TRIP12: variants seen among roughly 807,000 people sequenced by gnomAD.
TRIP12 encodes the protein E3 ubiquitin-protein ligase TRIP12.
TRIP12 carries 25 observed loss-of-function variants against 244.2 expected under a neutral mutation model. The ratio of observed to expected loss-of-function variants is 0.10; its 90% confidence interval spans 0.07 to 0.14. TRIP12 has a LOEUF of 0.14. Among genes scored for constraint, TRIP12 ranks in the 10% least tolerant of loss-of-function variants. TRIP12 has a pLI of 1.00. For synonymous variants in TRIP12, 905 were observed against 873.1 expected, an observed-to-expected ratio of 1.04 and a Z score of -0.64; for missense variants, 1,677 against 2,486.4, an observed-to-expected ratio of 0.67 and a Z score of 6.92.
intron 13 of TRIP12, among the ~76,000 whole-genome samples, chr2:229,813,656 C>T (rs867498442): frequency 1.3e-4 from 20 of 151,974 alleles, no homozygotes; most frequent in Non-Finnish European, 1.8e-4. Context: ...TGGTGGCACA[C>T]GCCTGTAATC....
At chr2:229,790,052 T>TA (rs1410764710) in intron 30 of TRIP12, among the ~76,000 whole-genome samples, 1 of 152,126 alleles carries the variant, frequency 6.6e-6, no homozygotes, top group African/African-American at 2.4e-5. Flanking sequence ...TGGCAAACAG[T>TA]AAAATGGCTG....
At chr2:229,800,450 T>C (rs1369476095) in intron 21 of TRIP12, among the ~76,000 whole-genome samples, 1 of 152,096 alleles carries the variant, frequency 6.6e-6, no homozygotes, top group Non-Finnish European at 1.5e-5. Flanking sequence ...CAAATAAAAC[T>C]GGAAAAATCT....
chr2:229,818,541 T>C (rs770959090), intron 8 of TRIP12, 29 bp from the exon 9 acceptor site: 3 of 1,590,622 alleles, frequency 1.9e-6, no homozygotes, highest in Non-Finnish European at 2.6e-6. Flanking sequence ...TTATTATCTT[T>C]AAACATTTAA....
At chr2:229,899,060 A>G (rs1292068207) in intron 1 of TRIP12, among the ~76,000 whole-genome samples, 2 of 152,236 alleles carry the variant, frequency 1.3e-5, no homozygotes, top group Admixed American at 6.5e-5. Flanking sequence ...TCCTTATTGA[A>G]GTAAAAGAGA....
chr2:229,778,989 A>C lies in TRIP12; in HGVS notation c.5096T>G (p.Val1699Gly). 1 of 1,612,316 alleles carries C rather than the reference A, an allele frequency of 6.2e-7. No individual in the cohort carries two copies. The change falls in exon 35 of 42, where the codon GTT becomes GGT. Residue 1699 changes from valine (V) to glycine (G), a missense_variant and splice_region_variant. Around this residue, in one of 11 missense-constraint regions of TRIP12, gnomAD observed 5 missense variants for 40.0 expected, o/e 0.13. Transcript: ENST00000675903. This position sits in a 1 kb window ranked among gnomAD's most constrained non-coding sequence, Gnocchi z 4.1. ...CAGTGTAGGCCCAAGACCTGTACCA[A>C]CCTACAGAAGAACACAAGTAGAACG... The part of the protein sequence containing the change: ...AMLEIQYENE[V>G]GTGLGPTLEF...
Position 229,912,589 on chromosome 2 carries a change from T to C in TRIP12, c.-50+9291A>G, listed in dbSNP as rs1439002814. 2.6e-5 allele frequency among the ~76,000 whole-genome samples: 4 copies of C among 152,294 alleles called. No individual in the cohort carries two copies. The East Asian group carries it at 7.7e-4, about 29-fold the overall frequency. On this transcript the variant is annotated intron_variant, in intron 1 of 41. Transcript: ENST00000675903. The stretch of plus-strand genomic sequence containing the variant: ...TTCCTCCAAACAATCAGGGCCAGTT[T>C]AAGCCCCTCTCTCTTCATAGTCTTC...
At chr2:229,913,437 T>C (rs893158021) in intron 1 of TRIP12, among the ~76,000 whole-genome samples, 5 of 152,210 alleles carry the variant, frequency 3.3e-5, no homozygotes, top group African/African-American at 4.8e-5. Flanking sequence ...TCAAGCACAA[T>C]TGTGGCACAC....
At chr2:229,860,912 C>T (rs2060375535) in intron 2 of TRIP12, among the ~76,000 whole-genome samples, 1 of 152,138 alleles carries the variant, frequency 6.6e-6, no homozygotes, top group South Asian at 2.1e-4. Flanking sequence ...CATAATGTGA[C>T]TGTAATGGCT....
At chr2:229,839,530 T>A (rs2055803934) in intron 5 of TRIP12, among the ~76,000 whole-genome samples, 1 of 151,580 alleles carries the variant, frequency 6.6e-6, no homozygotes, top group African/African-American at 2.4e-5. Flanking sequence ...ACAAAAAAAA[T>A]TAGCTGGGCA....
In TRIP12 at chr2:229,859,240, G is replaced by T. The variant is rs781546151; in HGVS notation, c.559C>A (p.Arg187=). The T allele has an allele frequency of 2.5e-6, 4 of 1,614,120 alleles. No homozygotes were observed. Among genetic ancestry groups the T allele is most frequent in the Non-Finnish European group, 3.4e-6 (4 of 1,180,030 alleles). Reference sequence around the variant, plus strand: ...TCTGTCCTTTTTCTTTTCTGACTCCGTGAACCGCCAGTGGCCCCACTCTTC... The same window carrying T: ...TCTGTCCTTTTTCTTTTCTGACTCCTTGAACCGCCAGTGGCCCCACTCTTC... ...TRKSGATGGS[R]SQKRKRTESS... Residue 187 remains arginine, a synonymous_variant, in exon 4 of 42, where the codon CGG becomes AGG. Coordinates refer to ENST00000675903, the MANE Select transcript of TRIP12 (RefSeq NM_001348323.3).
At chr2:229,851,889 C>T (rs1052378653) in intron 4 of TRIP12, among the ~76,000 whole-genome samples, 12 of 152,176 alleles carry the variant, frequency 7.9e-5, no homozygotes, top group Admixed American at 5.2e-4. Context: ...CATGAGGGTC[C>T]GCGGCTTCAT....
intron 37 of TRIP12, among the ~76,000 whole-genome samples, chr2:229,775,386 TAAAAA>T (rs373514087): frequency 2.3e-5 from 3 of 129,786 alleles, no homozygotes. Context: ...CACAAAGATT[TAAAAA>T]AAAAAAAAAA....
At position 229,764,691 on chromosome 2, in the gene TRIP12, A is replaced by C. The variant is rs1489941348; in HGVS notation, c.*2863T>G. 1 of 152,238 alleles carries C rather than the reference A, an allele frequency of 6.6e-6. No homozygotes were observed. The highest frequency in any genetic ancestry group is 1.5e-5 in the Non-Finnish European group (1 of 68,056). 9.4% of individuals were successfully genotyped at this position (152,238 alleles called of 1,614,324 possible). A position where few individuals can be genotyped will look rare whatever the true frequency, so the allele number is the denominator to read the frequency against. ...GTGGATCTAATTTCTTGGATACTGA[A>C]GTTGGTGCTCTGTCCCTTGGCCTTC... On this transcript the variant is annotated 3_prime_UTR_variant, in exon 42 of 42. Transcript: ENST00000675903.
chr2:229,917,886 TCTCA>T (rs1056759192), intron 1 of TRIP12, among the ~76,000 whole-genome samples: 4 of 152,052 alleles, frequency 2.6e-5, no homozygotes, highest in African/African-American at 9.7e-5. Context: ...GTGGAGACAG[TCTCA>T]CTATGTTGCC....
chr2:229,891,185 C>T (rs1370613636), intron 1 of TRIP12, among the ~76,000 whole-genome samples: 1 of 152,024 alleles, frequency 6.6e-6, no homozygotes, highest in Admixed American at 6.6e-5. Flanking sequence ...CTTTTGGAGG[C>T]TGAAGCGGTA....
chr2:229,863,643 A>G (rs2060844131), intron 2 of TRIP12, among the ~76,000 whole-genome samples: 1 of 152,226 alleles, frequency 6.6e-6, no homozygotes, highest in African/African-American at 2.4e-5. Flanking sequence ...GGCCTCCCAA[A>G]ATGGAGCTCT....
intron 37 of TRIP12, among the ~76,000 whole-genome samples, chr2:229,776,588 A>G (rs1032539476): frequency 1.3e-5 from 2 of 151,938 alleles, no homozygotes; most frequent in Non-Finnish European, 2.9e-5. Context: ...GAGAGGTGAC[A>G]CTCTCCCTCA....
At position 229,764,674 on chromosome 2, in the gene TRIP12, A is replaced by G. The variant is rs920311330; in HGVS notation, c.*2880T>C. 5.9e-5 allele frequency: 9 copies of G among 152,206 alleles called. No homozygotes were observed. The highest frequency in any genetic ancestry group is 1.9e-4 in the African/African-American group (8 of 41,440). The allele number at this position is 152,206 out of a possible 1,614,324, so 9.4% of individuals were successfully genotyped here. A position where few individuals can be genotyped will look rare whatever the true frequency, so the allele number is the denominator to read the frequency against. ...GTGGAAAATCAAGAGTTGTGGATCT[A>G]ATTTCTTGGATACTGAAGTTGGTGC... On this transcript the variant is annotated 3_prime_UTR_variant, in exon 42 of 42. Transcript: ENST00000675903.
In TRIP12 at chr2:229,765,987, A is replaced by G. The variant is rs2031594934; in HGVS notation, c.*1567T>C. 6.6e-6 allele frequency: 1 copy of G among 152,206 alleles called. No homozygotes were observed. The highest frequency in any genetic ancestry group is 1.5e-5 in the Non-Finnish European group (1 of 68,036). The allele number at this position is 152,206 out of a possible 1,614,324, so 9.4% of individuals were successfully genotyped here. ...AGGCCATTTAAGTGTAAATTGACACAGCAATCTATGTCAAACAAGCCACTG... is the reference window on the plus strand; with the variant it reads ...AGGCCATTTAAGTGTAAATTGACACGGCAATCTATGTCAAACAAGCCACTG... On this transcript the variant is annotated 3_prime_UTR_variant, in exon 42 of 42. Transcript: ENST00000675903.
Sources: gnomAD v4.1 joint callset for allele counts (sites outside exome capture counted in the v4.1 genomes callset) on GRCh38, gnomAD v4.1.1 for gene constraint, gnomAD v4.1.1 regional missense constraint, Gnocchi (gnomAD v3.1) non-coding constraint, MANE v1.5 for transcripts, NCBI Gene and HGNC (gene_info 2026-07-23, HGNC 2026-07-21) for gene names.